The following PLCB1 variants were observed in gnomAD, a reference collection of about 807,000 sequenced individuals.
PLCB1 encodes the protein 1-phosphatidylinositol 4,5-bisphosphate phosphodiesterase beta-1.
Under a neutral mutation model 161.8 loss-of-function variants are expected in PLCB1, and 46 were observed. The observed-to-expected ratio is 0.28, with a 90% CI of 0.22 to 0.36. PLCB1 has a LOEUF of 0.36. Among genes scored for constraint, PLCB1 ranks in the 10% least tolerant of loss-of-function variants. PLCB1 has a pLI of 1.00. For synonymous variants in PLCB1, 517 were observed against 503.7 expected (o/e 1.03, Z -0.35); for missense variants, 1,016 against 1,472.5 (o/e 0.69, Z 5.07).
At chr20:8,649,575 T>A in intron 7 of PLCB1, 126 bp downstream of exon 7, 1 of 677,150 alleles carries the variant, frequency 1.5e-6, no homozygotes, top group Non-Finnish European at 2.7e-6. Flanking sequence ...GCTTCCATGA[T>A]TAATGGGTTA....
intron 1 of PLCB1, among the ~76,000 whole-genome samples, chr20:8,137,523 T>C (rs2051361421): frequency 1.3e-5 from 2 of 152,232 alleles, no homozygotes; most frequent in African/African-American, 4.8e-5. Context: ...AATTTCTCAT[T>C]GGCAGTCAAT....
chr20:8,426,545 A>G (rs1979781771), intron 3 of PLCB1, among the ~76,000 whole-genome samples: 1 of 152,152 alleles, frequency 6.6e-6, no homozygotes, highest in Non-Finnish European at 1.5e-5. Context: ...AAACTTCAGA[A>G]AGTGAGGAGA....
intron 3 of PLCB1, among the ~76,000 whole-genome samples, chr20:8,413,840 A>G (rs546988356): frequency 6.6e-6 from 1 of 152,344 alleles, no homozygotes; most frequent in Admixed American, 6.5e-5. Flanking sequence ...GGTGTCTTCT[A>G]TGGATGCGTT....
chr20:8,857,156 A>G (rs1386185391), intron 31 of PLCB1, among the ~76,000 whole-genome samples: 1 of 152,212 alleles, frequency 6.6e-6, no homozygotes, highest in Non-Finnish European at 1.5e-5. Context: ...TGCTGGTGGC[A>G]GGGTTTCAAT....
chr20:8,455,854 A>T (rs227127), intron 3 of PLCB1, among the ~76,000 whole-genome samples: 62,202 of 151,948 alleles, frequency 0.41, 13,705 homozygotes, highest in African/African-American at 0.56. Context: ...GATTTCCTAT[A>T]TCCTCCATAG....
chr20:8,146,001 C>T (rs1413580571), intron 1 of PLCB1, among the ~76,000 whole-genome samples: 1 of 152,098 alleles, frequency 6.6e-6, no homozygotes, highest in Non-Finnish European at 1.5e-5. Flanking sequence ...CTGGACAGCA[C>T]CAGTATAGGG....
chr20:8,201,243 T>C (rs2052088289), intron 2 of PLCB1, among the ~76,000 whole-genome samples: 1 of 152,098 alleles, frequency 6.6e-6, no homozygotes, highest in Non-Finnish European at 1.5e-5. Context: ...GTGTTTTATT[T>C]ATTAAAAAAG....
intron 3 of PLCB1, among the ~76,000 whole-genome samples, chr20:8,588,139 G>A (rs1987045319): frequency 6.6e-6 from 1 of 152,152 alleles, no homozygotes; most frequent in African/African-American, 2.4e-5. Flanking sequence ...CTTCGTGTAA[G>A]GCTCTGCACT....
intron 3 of PLCB1, chr20:8,623,921 G>C (rs912994965): frequency 6.6e-6 from 1 of 152,168 alleles, no homozygotes; most frequent in Non-Finnish European, 1.5e-5. Context: ...GAAAATGAGA[G>C]GTATGAGGAT....
chr20:8,670,361 T>C (rs569547404), intron 9 of PLCB1, among the ~76,000 whole-genome samples: 102 of 152,356 alleles, frequency 6.7e-4, no homozygotes, highest in Non-Finnish European at 9.6e-4. Flanking sequence ...GGTGTTATTA[T>C]TGAGAATTTT....
chr20:8,198,500 A>G (rs974770122), intron 2 of PLCB1, among the ~76,000 whole-genome samples: 1 of 152,114 alleles, frequency 6.6e-6, no homozygotes, highest in Non-Finnish European at 1.5e-5. Flanking sequence ...GCCTAGGAAG[A>G]ATCTTACCTA....
chr20:8,364,996 C>G (rs1986661865), intron 2 of PLCB1, among the ~76,000 whole-genome samples: 1 of 152,126 alleles, frequency 6.6e-6, no homozygotes, highest in Non-Finnish European at 1.5e-5. Flanking sequence ...CTTTACCTAA[C>G]AACTTTTAAC....
At chr20:8,140,987 AG>A (rs199889599) in intron 1 of PLCB1, among the ~76,000 whole-genome samples, 7,975 of 151,992 alleles carry the variant, frequency 0.052, 229 homozygotes, top group South Asian at 0.12. Flanking sequence ...TAGTAGAGAT[AG>A]GGTTTCTCCA....
At chr20:8,291,029 C>T (rs1983358555) in intron 2 of PLCB1, among the ~76,000 whole-genome samples, 1 of 141,998 alleles carries the variant, frequency 7.0e-6, no homozygotes, top group Admixed American at 7.2e-5. Flanking sequence ...CCTCCAGTAA[C>T]AATCTTTTTG....
intron 9 of PLCB1, among the ~76,000 whole-genome samples, chr20:8,677,712 T>C (rs1427426634): frequency 6.6e-6 from 1 of 152,046 alleles, no homozygotes; most frequent in Non-Finnish European, 1.5e-5. Context: ...TAAAAGACAG[T>C]GGAGCAAATT....
At chr20:8,210,233 A>G (rs1396426680) in intron 2 of PLCB1, among the ~76,000 whole-genome samples, 1 of 152,170 alleles carries the variant, frequency 6.6e-6, no homozygotes, top group Non-Finnish European at 1.5e-5. Flanking sequence ...ATTAATATCA[A>G]TAGTATTTCT....
intron 2 of PLCB1, among the ~76,000 whole-genome samples, chr20:8,336,592 G>A (rs1416368979): frequency 6.6e-6 from 1 of 152,104 alleles, no homozygotes; most frequent in Non-Finnish European, 1.5e-5. Flanking sequence ...TGGGGTGTGA[G>A]ATTTCAAACA....
In PLCB1 at chr20:8,444,576, C is replaced by G. The variant is rs557617191; in HGVS notation, c.246+73126C>G. Among the ~76,000 whole-genome samples, 1,289 of 152,196 alleles carry G rather than the reference C, an allele frequency of 8.5e-3. 18 individuals are homozygous for G. The highest frequency in any genetic ancestry group is 0.029 in the African/African-American group (1,206 of 41,526). On this transcript the variant is annotated intron_variant, in intron 3 of 31. Transcript: ENST00000338037. ...TGGGTATATACCCAGTAATGGGATG[C>G]CTGGGTCAAATGGTATTTCTAGTTC...
chr20:8,482,859 G>A lies in PLCB1; in HGVS notation c.246+111409G>A, dbSNP rs994720678. Reference sequence around the variant, plus strand: ...ATGTGAGGGTATTATGGATGGCAAAGAGATATTTGGCAAATGTAAGCAGGG... The same window carrying A: ...ATGTGAGGGTATTATGGATGGCAAAAAGATATTTGGCAAATGTAAGCAGGG... On this transcript the variant is annotated intron_variant, in intron 3 of 31. Coordinates refer to ENST00000338037, the MANE Select transcript of PLCB1 (RefSeq NM_015192.4). Among the ~76,000 whole-genome samples the A allele has an allele frequency of 5.3e-5, 8 of 151,526 alleles. 1 individual carries two copies. The highest frequency in any genetic ancestry group is 6.4e-3 in the Middle Eastern group (2 of 314).
Sources: gnomAD v4.1 joint callset for allele counts (sites outside exome capture counted in the v4.1 genomes callset) on GRCh38, gnomAD v4.1.1 for gene constraint, MANE v1.5 for transcripts, NCBI Gene and HGNC (gene_info 2026-07-23, HGNC 2026-07-21) for gene names.